HECW2: variants seen among roughly 807,000 people sequenced by gnomAD.
The protein encoded by HECW2 is HECT, C2 and WW domain containing E3 ubiquitin protein ligase 2.
A neutral mutation model predicts 175.2 loss-of-function variants in HECW2; 61 were observed. The ratio of observed to expected loss-of-function variants is 0.35; its 90% confidence interval spans 0.28 to 0.43. The LOEUF (loss-of-function observed/expected upper bound fraction) is 0.43, where lower values mean the gene tolerates loss of function less well. Ranked by LOEUF, HECW2 falls within the 20% of genes least tolerant of loss-of-function variation. The probability of loss-of-function intolerance (pLI) is 1.00; values close to 1 mark genes in which losing one functional copy is unlikely to be tolerated. For missense variants in HECW2, 1,524 were observed against 2,000.5 expected, an observed-to-expected ratio of 0.76 and a Z score of 4.54; for synonymous variants, 671 against 731.0, an observed-to-expected ratio of 0.92 and a Z score of 1.32.
rs763730628 is a variant in HECW2, at chr2:196,292,652, G to A, written c.2913C>T (p.Arg971=). The part of the protein sequence containing the change: ...THHFERYQHN[R]DLVGFLNMFA... ...ACATGTTGAGGAATCCCACAAGGTC[G>A]CGGTTATGCTGGTAGCGTTCAAAGT... The change falls in exon 14 of 29, where the codon CGC becomes CGT. Residue 971 remains arginine (R), a synonymous_variant. Coordinates refer to ENST00000644978, the MANE Select transcript of HECW2 (RefSeq NM_001348768.2). The A allele has an allele frequency of 7.4e-6, 12 of 1,614,032 alleles. No homozygotes were observed. The highest frequency in any genetic ancestry group is 2.7e-5 in the African/African-American group (2 of 74,914).
chr2:196,371,665 C>T lies in HECW2; in HGVS notation c.293-27901G>A, dbSNP rs993734080. 3.4e-4 allele frequency among the ~76,000 whole-genome samples: 52 copies of T among 152,094 alleles called. 2 individuals are homozygous for T. ...TATTTTATAGATCTTGTATTTTATT[C>T]CATTTCTTTTTCTACTAGCTTATTT... is the stretch of plus-strand genomic sequence containing the variant. On this transcript the variant is annotated intron_variant, in intron 2 of 28. Coordinates refer to ENST00000644978, the MANE Select transcript of HECW2 (RefSeq NM_001348768.2).
At chr2:196,254,112 A>T in intron 18 of HECW2, 83 bp from the exon 19 acceptor site, 1 of 1,545,928 alleles carries the variant, frequency 6.5e-7, no homozygotes. Flanking sequence ...AGAATATTCC[A>T]TCCAAGATCC....
In HECW2 at chr2:196,483,902, A is replaced by G. The variant is rs529920662; in HGVS notation, c.-35-50444T>C. ...TTGAATCTTTTGAGGGGGAAAAAAC[A>G]TGACATTAATGAGACCAAGATATTT... is the stretch of plus-strand genomic sequence containing the variant. On this transcript the variant is annotated intron_variant, in intron 1 of 28. Transcript: ENST00000644978. Among the ~76,000 whole-genome samples, 76 of 152,362 alleles carry G rather than the reference A, an allele frequency of 5.0e-4. 1 individual carries two copies. The highest frequency in any genetic ancestry group is 4.8e-3 in the Admixed American group (73 of 15,304).
chr2:196,528,221 T>A (rs1304695812), intron 1 of HECW2, among the ~76,000 whole-genome samples: 1 of 152,202 alleles, frequency 6.6e-6, no homozygotes, highest in Non-Finnish European at 1.5e-5. Flanking sequence ...AAAATATCTC[T>A]TTAAATGATT....
intron 1 of HECW2, among the ~76,000 whole-genome samples, chr2:196,536,052 T>C (rs1414392111): frequency 2.6e-5 from 4 of 152,126 alleles, no homozygotes; most frequent in Admixed American, 2.6e-4. Context: ...GGGAGCACTT[T>C]AGAACAACCT....
chr2:196,502,365 C>G (rs1187328449), intron 1 of HECW2, among the ~76,000 whole-genome samples: 1 of 152,052 alleles, frequency 6.6e-6, no homozygotes, highest in Non-Finnish European at 1.5e-5. Context: ...TGTGGAGCTC[C>G]CTTCCCTCAG....
intron 19 of HECW2, among the ~76,000 whole-genome samples, chr2:196,253,598 A>C (rs901783462): frequency 1.3e-5 from 2 of 152,356 alleles, no homozygotes; most frequent in East Asian, 1.9e-4. Flanking sequence ...ATATCAAAAA[A>C]GTTCTCTTCA....
intron 7 of HECW2, among the ~76,000 whole-genome samples, chr2:196,321,556 C>A (rs1489390865): frequency 6.6e-6 from 1 of 151,974 alleles, no homozygotes; most frequent in Non-Finnish European, 1.5e-5. Flanking sequence ...CGCCACCACA[C>A]TCAGCTAATT....
At chr2:196,468,338 C>A (rs1012080943) in intron 1 of HECW2, among the ~76,000 whole-genome samples, 12 of 152,120 alleles carry the variant, frequency 7.9e-5, no homozygotes, top group Non-Finnish European at 1.6e-4. Flanking sequence ...TACATTAACT[C>A]AAATTAATCT....
intron 1 of HECW2, among the ~76,000 whole-genome samples, chr2:196,494,225 T>A (rs1398014497): frequency 6.6e-6 from 1 of 152,066 alleles, no homozygotes; most frequent in Non-Finnish European, 1.5e-5. Context: ...AGAGTTGGAA[T>A]CTAAATCATA....
intron 1 of HECW2, among the ~76,000 whole-genome samples, chr2:196,450,358 A>G (rs1030235013): frequency 6.6e-6 from 1 of 152,106 alleles, no homozygotes; most frequent in Non-Finnish European, 1.5e-5. Flanking sequence ...TTTTCTGGAG[A>G]TGAGAGGAAG....
chr2:196,206,775 T>C (rs1211231557), intron 28 of HECW2, among the ~76,000 whole-genome samples: 1 of 152,210 alleles, frequency 6.6e-6, no homozygotes, highest in Non-Finnish European at 1.5e-5. Flanking sequence ...TTGGCTCTGC[T>C]TGCCAAATTG....
intron 2 of HECW2, among the ~76,000 whole-genome samples, chr2:196,370,745 T>C (rs868696134): frequency 4.0e-4 from 61 of 152,220 alleles, no homozygotes; most frequent in African/African-American, 1.4e-3. Flanking sequence ...CTGATCTAAA[T>C]GCTCCCTCTG....
At chr2:196,471,599 AT>A (rs1369511830) in intron 1 of HECW2, among the ~76,000 whole-genome samples, 1 of 152,232 alleles carries the variant, frequency 6.6e-6, no homozygotes, top group Admixed American at 6.5e-5. Flanking sequence ...GATGAAGAAA[AT>A]GTTATACATA....
At chr2:196,316,069 G>C (rs1011029513) in intron 10 of HECW2, 3 of 152,096 alleles carry the variant, frequency 2.0e-5, no homozygotes, top group Non-Finnish European at 4.4e-5. Flanking sequence ...TTATCAATAA[G>C]GAAGTTTTCT....
At chr2:196,537,634 A>G (rs1367730910) in intron 1 of HECW2, among the ~76,000 whole-genome samples, 1 of 152,146 alleles carries the variant, frequency 6.6e-6, no homozygotes, top group Non-Finnish European at 1.5e-5. Context: ...TAGGAAAATG[A>G]GGCTGAGACT....
intron 1 of HECW2, among the ~76,000 whole-genome samples, chr2:196,451,760 G>C (rs144602003): frequency 6.6e-6 from 1 of 152,116 alleles, no homozygotes. Flanking sequence ...TTAGCCAGGC[G>C]TGGTGGCACA....
chr2:196,392,927 A>C (rs2125186341), intron 2 of HECW2, among the ~76,000 whole-genome samples: 1 of 152,346 alleles, frequency 6.6e-6, no homozygotes, highest in African/African-American at 2.4e-5. Flanking sequence ...ACAGTAACCC[A>C]AACAGCATGG....
intron 1 of HECW2, among the ~76,000 whole-genome samples, chr2:196,472,026 A>G (rs1697219588): frequency 6.6e-6 from 1 of 152,044 alleles, no homozygotes. Context: ...AGTCACTTAT[A>G]GACGAATGGA....
Sources: allele counts gnomAD v4.1 joint callset (sites outside exome capture counted in the v4.1 genomes callset), GRCh38; gene constraint gnomAD v4.1.1; transcripts MANE v1.5; gene names NCBI Gene and HGNC (gene_info 2026-07-23, HGNC 2026-07-21).